USP14: variants seen among roughly 807,000 people sequenced by gnomAD.
The protein encoded by USP14 is ubiquitin carboxyl-terminal hydrolase 14.
USP14 carries 38 observed loss-of-function variants against 76.5 expected under a neutral mutation model. The ratio of observed to expected loss-of-function variants is 0.50; its 90% CI spans 0.38 to 0.65. The LOEUF is 0.65. Among genes scored for constraint, USP14 ranks in the 30% least tolerant of loss-of-function variants. The pLI is 0.00. For synonymous variants in USP14, 192 were observed against 191.7 expected (o/e 1.00, Z -0.01); for missense variants, 467 against 586.5 (o/e 0.80, Z 2.10).
At chr18:184,327 A>G (rs1909868593) in intron 5 of USP14, among the ~76,000 whole-genome samples, 1 of 152,178 alleles carries the variant, frequency 6.6e-6, no homozygotes, top group Non-Finnish European at 1.5e-5. Context: ...TCTTTGGAAA[A>G]ATGGCACTAA....
intron 9 of USP14, among the ~76,000 whole-genome samples, chr18:198,484 C>G (rs1331228391): frequency 6.6e-6 from 1 of 152,184 alleles, no homozygotes; most frequent in Non-Finnish European, 1.5e-5. Flanking sequence ...GATCTACCCA[C>G]CTTGGCCTCC....
At chr18:210,861 T>G (rs1910651066) in intron 15 of USP14, among the ~76,000 whole-genome samples, 1 of 152,204 alleles carries the variant, frequency 6.6e-6, no homozygotes, top group South Asian at 2.1e-4. Flanking sequence ...TATCATACAT[T>G]ATGTAGCCTC....
At chr18:195,051 C>T (rs553463957) in intron 6 of USP14, among the ~76,000 whole-genome samples, 58 of 146,300 alleles carry the variant, frequency 4.0e-4, no homozygotes, top group Non-Finnish European at 6.3e-4. Context: ...TTTTTTCCTT[C>T]TTCAGGATTC....
intron 3 of USP14, among the ~76,000 whole-genome samples, chr18:171,021 AAAAAATATATATAT>A (rs1408107215): frequency 3.8e-4 from 32 of 84,530 alleles, no homozygotes; most frequent in South Asian, 1.3e-3. Context: ...AAAAAAAAAA[AAAAAATATATATAT>A]ATATATATAT....
intron 3 of USP14, among the ~76,000 whole-genome samples, chr18:169,959 C>G (rs562162148): frequency 4.6e-5 from 7 of 152,180 alleles, no homozygotes; most frequent in African/African-American, 1.4e-4. Flanking sequence ...TCCCTCTTCT[C>G]GAGCCTCCCT....
Position 190,919 on chromosome 18 carries a change from A to G in USP14, c.405-1923A>G, listed in dbSNP as rs185751041. ...AGGAATTACATTTTATTGCTCTAAT[A>G]TGGGAATTTTTTTTTGGATATTAAA... On this transcript the variant is annotated intron_variant, in intron 5 of 15. Transcript: ENST00000261601. Among the ~76,000 whole-genome samples, 34 of 152,208 alleles carry G rather than the reference A, an allele frequency of 2.2e-4. No individual in the cohort carries two copies. In the East Asian group the frequency reaches 6.2e-3, roughly 28 times the overall value.
intron 4 of USP14, among the ~76,000 whole-genome samples, chr18:179,583 T>A (rs1257569092): frequency 2.7e-5 from 4 of 149,428 alleles, no homozygotes; most frequent in Non-Finnish European, 5.9e-5. Context: ...GTTTTTTTTT[T>A]TGCTTTTTTT....
chr18:211,953 T>G lies in USP14; in HGVS notation c.*669T>G, dbSNP rs1444395227. On this transcript the variant is annotated 3_prime_UTR_variant, in exon 16 of 16. Transcript: ENST00000261601. ...TGTACATTTAACTTTGGAATGGCTTTGTAATAATCAGTCTTAAGAAAATGT... is the reference window on the plus strand; with the variant it reads ...TGTACATTTAACTTTGGAATGGCTTGGTAATAATCAGTCTTAAGAAAATGT... 2.6e-5 allele frequency: 4 copies of G among 152,266 alleles called. No individual in the cohort carries two copies. Among genetic ancestry groups the G allele is most frequent in the Admixed American group, 1.3e-4 (2 of 15,284 alleles). 9.4% of individuals were successfully genotyped at this position (152,266 alleles called of 1,614,324 possible). A position where few individuals can be genotyped will look rare whatever the true frequency, so the allele number is the denominator to read the frequency against.
intron 13 of USP14, among the ~76,000 whole-genome samples, chr18:205,815 T>C (rs1205898426): frequency 1.3e-5 from 2 of 152,114 alleles, no homozygotes; most frequent in Non-Finnish European, 2.9e-5. Flanking sequence ...TAAAAACTCT[T>C]CCACTTTTTA....
At chr18:193,070 T>G (rs1910135081) in intron 6 of USP14, among the ~76,000 whole-genome samples, 170 bp downstream of exon 6, 1 of 152,216 alleles carries the variant, frequency 6.6e-6, no homozygotes, top group Non-Finnish European at 1.5e-5. Context: ...GTCCAGATTA[T>G]AAATCAATGA....
intron 6 of USP14, 64 bp downstream of exon 6, chr18:192,964 C>T: frequency 7.2e-7 from 1 of 1,398,320 alleles, no homozygotes; most frequent in East Asian, 2.4e-5. Context: ...GCTCACAATC[C>T]TTTGCAGTTT....
intron 14 of USP14, 108 bp downstream of exon 14, chr18:210,139 T>C: frequency 1.0e-6 from 1 of 972,342 alleles, no homozygotes; most frequent in East Asian, 2.6e-5. Context: ...TCAAACAAAA[T>C]GTCAGGTTTC....
chr18:171,200 GTAGCTACAC>G (rs944194366), intron 3 of USP14, among the ~76,000 whole-genome samples: 1 of 151,710 alleles, frequency 6.6e-6, no homozygotes, highest in African/African-American at 2.4e-5. Context: ...GTTGATGAAG[GTAGCTACAC>G]TATACAACAG....
intron 3 of USP14, among the ~76,000 whole-genome samples, chr18:174,589 C>A (rs1156914312): frequency 6.8e-6 from 1 of 147,030 alleles, no homozygotes; most frequent in Non-Finnish European, 1.5e-5. Flanking sequence ...TTAATGTTGT[C>A]GTAAGTGGTA....
rs2143117147 is a variant in USP14, at chr18:213,552, T to A, written c.*2268T>A. 6.6e-6 allele frequency: 1 copy of A among 152,602 alleles called. No homozygotes were observed. The highest frequency in any genetic ancestry group is 2.1e-4 in the South Asian group (1 of 4,824). 9.5% of individuals were successfully genotyped at this position (152,602 alleles called of 1,614,324 possible). On this transcript the variant is annotated 3_prime_UTR_variant, in exon 16 of 16. Coordinates refer to ENST00000261601, the MANE Select transcript of USP14 (RefSeq NM_005151.4). ...AAAAGTCTTGATTCCTGAATGTGCC[T>A]TATATGCTGTGCCACTCACACCGAG... is the stretch of plus-strand genomic sequence containing the variant.
intron 6 of USP14, among the ~76,000 whole-genome samples, chr18:193,341 C>T (rs1910143603): frequency 6.6e-6 from 1 of 152,078 alleles, no homozygotes; most frequent in Admixed American, 6.5e-5. Context: ...ATATAACCCC[C>T]ACCTAATTTT....
At chr18:176,114 TATC>T (rs908814041) in intron 3 of USP14, among the ~76,000 whole-genome samples, 27 of 152,132 alleles carry the variant, frequency 1.8e-4, no homozygotes, top group African/African-American at 6.5e-4. Context: ...CTGTTTCCTC[TATC>T]ATCAAGCCAG....
rs565776297 is a variant in USP14 at position 178,831 on chromosome 18, G to A, written c.196-102G>A. The A allele has an allele frequency of 4.9e-5, 40 of 811,100 alleles. No homozygotes were observed. The African/African-American group carries it at 6.8e-4, about 14-fold the overall frequency. 50.2% of individuals were successfully genotyped at this position (811,100 alleles called of 1,614,324 possible). ...GCAGATTTACTTTTTTTGGCAAATA[G>A]AATTATGTTATATGTGTTCTTTTGT... On this transcript the variant is annotated intron_variant, in intron 3 of 15. Coordinates refer to ENST00000261601, the MANE Select transcript of USP14 (RefSeq NM_005151.4).
intron 13 of USP14, among the ~76,000 whole-genome samples, chr18:208,569 T>TA (rs1910588952): frequency 6.6e-6 from 1 of 152,102 alleles, no homozygotes; most frequent in Non-Finnish European, 1.5e-5. Context: ...TGAATTTTGA[T>TA]ACATGGTATT....
Sources: allele counts gnomAD v4.1 joint callset (sites outside exome capture counted in the v4.1 genomes callset), GRCh38; gene constraint gnomAD v4.1.1; transcripts MANE v1.5; gene names NCBI Gene and HGNC (gene_info 2026-07-23, HGNC 2026-07-21).